The following ZSWIM3 variants were observed in gnomAD, a reference collection of about 807,000 sequenced individuals.
The protein encoded by ZSWIM3 is zinc finger SWIM-type containing 3.
ZSWIM3 carries 27 observed loss-of-function variants against 47.5 expected under a neutral mutation model. The ratio of observed to expected loss-of-function variants is 0.57; its 90% CI spans 0.42 to 0.78. The LOEUF is 0.78. Among genes scored for constraint, ZSWIM3 ranks in the 30% least tolerant of loss-of-function variants. The pLI, the probability that ZSWIM3 is intolerant of heterozygous loss-of-function variation, is 0.00. For missense variants in ZSWIM3, 689 were observed against 861.3 expected (o/e 0.80, Z 2.50); for synonymous variants, 333 against 333.9 (o/e 1.00, Z 0.03).
intron 1 of ZSWIM3, among the ~76,000 whole-genome samples, chr20:45,868,702 A>T (rs1240740097): frequency 6.6e-6 from 1 of 151,950 alleles, no homozygotes; most frequent in Non-Finnish European, 1.5e-5. Context: ...GGAAAACTAT[A>T]CTAGGAAAAG....
intron 1 of ZSWIM3, 59 bp downstream of exon 1, chr20:45,858,039 G>GGA: frequency 6.4e-7 from 1 of 1,559,780 alleles, no homozygotes; most frequent in Non-Finnish European, 8.7e-7. Flanking sequence ...GACCTCCGGA[G>GGA]GGCTGCCTGG....
intron 1 of ZSWIM3, among the ~76,000 whole-genome samples, chr20:45,873,095 G>A (rs1436931466): frequency 1.3e-5 from 2 of 152,120 alleles, no homozygotes; most frequent in African/African-American, 4.8e-5. Flanking sequence ...CATTCATCCA[G>A]TACATCATCC....
Position 45,878,553 on chromosome 20 carries a change from A to G in ZSWIM3, c.1995A>G (p.Pro665=). ...PSQPSELFQQ[P]GDFKDVGRLP... ...AGCCATCTGAGCTCTTTCAGCAGCC[A>G]GGAGACTTTAAGGACGTGGGCCGCC... is the stretch of plus-strand genomic sequence containing the variant. Residue 665 remains proline, a synonymous_variant, in exon 2 of 2, where the codon CCA becomes CCG. Transcript: ENST00000255152. The G allele has an allele frequency of 1.2e-6, 2 of 1,614,210 alleles. No homozygotes were observed. Among genetic ancestry groups the G allele is most frequent in the East Asian group, 2.2e-5 (1 of 44,886 alleles).
intron 1 of ZSWIM3, among the ~76,000 whole-genome samples, chr20:45,858,718 GT>G (rs1303899119): frequency 6.6e-6 from 1 of 152,060 alleles, no homozygotes; most frequent in Non-Finnish European, 1.5e-5. Context: ...TATATTAACC[GT>G]TTTCAAACAC....
chr20:45,864,188 G>A (rs73291302), intron 1 of ZSWIM3, among the ~76,000 whole-genome samples: 2,515 of 152,276 alleles, frequency 0.017, 72 homozygotes, highest in African/African-American at 0.058. Flanking sequence ...GGAGTACAAA[G>A]ATGAGGAAAT....
chr20:45,857,982 TA>T lies in ZSWIM3; in HGVS notation c.155+4del. 2.7e-6 allele frequency: 1 copy of T among 368,626 alleles called. No individual in the cohort carries two copies. Among genetic ancestry groups the T allele is most frequent in the Non-Finnish European group, 5.1e-6 (1 of 197,692 alleles). 22.8% of individuals were successfully genotyped at this position (368,626 alleles called of 1,614,324 possible). On this transcript the variant is annotated splice_donor_region_variant and intron_variant, in intron 1 of 1. Transcript: ENST00000255152. ...CACCTCCATCCGCGAAGACATCCTG[TA>T]AGGGCGGGCGGGGCGGGGCGGGCCA...
At chr20:45,868,899 G>A (rs1293528134) in intron 1 of ZSWIM3, among the ~76,000 whole-genome samples, 1 of 151,862 alleles carries the variant, frequency 6.6e-6, no homozygotes, top group Non-Finnish European at 1.5e-5. Context: ...ACCTCCGGGT[G>A]CAAGCAATTC....
chr20:45,877,112 A>T lies in ZSWIM3; in HGVS notation c.554A>T (p.Asp185Val). ...GTGATGAAGAACTTTCTTAAGGTAG[A>T]TGAGGGTTCCATGGCTTCCTTCAGT... is the stretch of plus-strand genomic sequence containing the variant. ...AKVMKNFLKV[D>V]EGSMASFSVG... Residue 185 changes from aspartate (D) to valine (V), a missense_variant, in exon 2 of 2, where the codon GAT (aspartate) becomes GTT (valine). Coordinates refer to ENST00000255152, the MANE Select transcript of ZSWIM3 (RefSeq NM_080752.4). The T allele has an allele frequency of 6.2e-7, 1 of 1,614,232 alleles. No homozygotes were observed. The highest frequency in any genetic ancestry group is 8.5e-7 in the Non-Finnish European group (1 of 1,180,038).
intron 1 of ZSWIM3, among the ~76,000 whole-genome samples, chr20:45,865,319 CAA>C (rs201175786): frequency 5.0e-4 from 50 of 100,768 alleles, no homozygotes; most frequent in South Asian, 9.5e-4. Flanking sequence ...AACTCTGTCT[CAA>C]AAAAAAAAAA....
intron 1 of ZSWIM3, among the ~76,000 whole-genome samples, chr20:45,859,813 A>AC (rs1453669873): frequency 1.3e-5 from 2 of 149,948 alleles, no homozygotes; most frequent in Non-Finnish European, 3.0e-5. Flanking sequence ...AAAAAAAAAA[A>AC]AAACCACAGT....
In ZSWIM3 at chr20:45,876,718, G is replaced by A. The variant is rs1416322162; in HGVS notation, c.160G>A (p.Val54Met). 4 of 1,610,994 alleles carry A rather than the reference G, an allele frequency of 2.5e-6. No homozygotes were observed. The highest frequency in any genetic ancestry group is 3.4e-6 in the Non-Finnish European group (4 of 1,178,198). Residue 54 changes from valine (V) to methionine (M), a missense_variant, in exon 2 of 2, where the codon GTG becomes ATG. Transcript: ENST00000255152. The part of the protein sequence containing the change: ...GTSIREDILY[V>M]QVKFVCIRTQ... ...TGTTACCTCTACCTTCCCTAGGTAT[G>A]TGCAGGTGAAATTTGTCTGCATTCG...
At chr20:45,872,154 C>T (rs1430939351) in intron 1 of ZSWIM3, among the ~76,000 whole-genome samples, 1 of 152,164 alleles carries the variant, frequency 6.6e-6, no homozygotes, top group South Asian at 2.1e-4. Context: ...TAATAGAATC[C>T]TTTTCCTACT....
chr20:45,878,533 T>C lies in ZSWIM3; in HGVS notation c.1975T>C (p.Ser659Pro). 6.2e-7 allele frequency: 1 copy of C among 1,614,176 alleles called. No homozygotes were observed. The highest frequency in any genetic ancestry group is 8.5e-7 in the Non-Finnish European group (1 of 1,180,030). ...VDIWAGPSQPSELFQQPGDFK... is the reference protein window; with the variant it reads ...VDIWAGPSQPPELFQQPGDFK... ...TATCTGGGCTGGCCCCTCCCAGCCA[T>C]CTGAGCTCTTTCAGCAGCCAGGAGA... is the stretch of plus-strand genomic sequence containing the variant. Residue 659 changes from serine to proline, a missense_variant, in exon 2 of 2, where the codon TCT becomes CCT. Physicochemically the swap from Ser to Pro is moderately conservative, Grantham distance 74 (BLOSUM62 -1). Coordinates refer to ENST00000255152, the MANE Select transcript of ZSWIM3 (RefSeq NM_080752.4).
intron 1 of ZSWIM3, among the ~76,000 whole-genome samples, chr20:45,865,405 G>A (rs959492300): frequency 4.0e-5 from 6 of 151,446 alleles, no homozygotes; most frequent in Non-Finnish European, 8.8e-5. Context: ...GGAGAATGGC[G>A]TGAACCCGGG....
rs887612483 is a variant in ZSWIM3 at position 45,857,621 on chromosome 20, A to G, written c.-205A>G. The G allele has an allele frequency of 2.9e-6, 2 of 684,012 alleles. No individual in the cohort carries two copies. The highest frequency in any genetic ancestry group is 1.8e-5 in the African/African-American group (1 of 56,094). 42.4% of individuals were successfully genotyped at this position (684,012 alleles called of 1,614,324 possible). ...CTGAGTGTCATTTCCCCTGTCAGATAGCAAATACACCCCCTTCCTCTTGTA... is the reference window on the plus strand; with the variant it reads ...CTGAGTGTCATTTCCCCTGTCAGATGGCAAATACACCCCCTTCCTCTTGTA... On this transcript the variant is annotated 5_prime_UTR_variant, in exon 1 of 2. The change creates a new upstream start codon in the 5' untranslated region. Coordinates refer to ENST00000255152, the MANE Select transcript of ZSWIM3 (RefSeq NM_080752.4).
rs753562832 is a variant in ZSWIM3, at chr20:45,872,996, A to AT, written c.156-3711dup. 1.7e-3 allele frequency among the ~76,000 whole-genome samples: 257 copies of AT among 151,998 alleles called. 1 individual carries two copies. Among genetic ancestry groups the AT allele is most frequent in the Non-Finnish European group, 7.2e-4 (49 of 67,956 alleles). ...ATGCCACGTCAGGCCAGGGGGTGAG[A>AT]TTTTTTTCCCTTCCCCTGGTCTTTG... On this transcript the variant is annotated intron_variant, in intron 1 of 1. Coordinates refer to ENST00000255152, the MANE Select transcript of ZSWIM3 (RefSeq NM_080752.4).
In ZSWIM3 at chr20:45,876,972, T is replaced by C. The variant is rs901147175; in HGVS notation, c.414T>C (p.Leu138=). The C allele has an allele frequency of 1.2e-6, 2 of 1,613,964 alleles. No individual in the cohort carries two copies. The highest frequency in any genetic ancestry group is 3.3e-5 in the Admixed American group (2 of 59,978). Residue 138 remains leucine (L), a synonymous_variant, in exon 2 of 2, where the codon CTT becomes CTC. Coordinates refer to ENST00000255152, the MANE Select transcript of ZSWIM3 (RefSeq NM_080752.4). ...QPVQPTTKKD[L]DTAEKSLVEP... is the part of the protein sequence containing the mutation. Reference sequence around the variant, plus strand: ...TGCAGCCCACAACCAAAAAAGACCTTGACACTGCCGAGAAGTCCCTGGTTG... The same window carrying C: ...TGCAGCCCACAACCAAAAAAGACCTCGACACTGCCGAGAAGTCCCTGGTTG...
In ZSWIM3 at chr20:45,878,589, C is replaced by A; in HGVS notation, c.2031C>A (p.Leu677=). 6.2e-7 allele frequency: 1 copy of A among 1,613,704 alleles called. No homozygotes were observed. The highest frequency in any genetic ancestry group is 8.5e-7 in the Non-Finnish European group (1 of 1,179,692). ...DFKDVGRLPF[L]WGKQEEGEGF... is the part of the protein sequence containing the mutation. ...AGGACGTGGGCCGCCTCCCTTTCCT[C>A]TGGGGAAAGCAAGAAGAAGGGGAGG... is the stretch of plus-strand genomic sequence containing the variant. The change falls in exon 2 of 2, where the codon CTC becomes CTA. Residue 677 remains leucine, a synonymous_variant. Transcript: ENST00000255152.
intron 1 of ZSWIM3, among the ~76,000 whole-genome samples, chr20:45,865,305 G>A (rs546006480): frequency 1.2e-4 from 18 of 146,096 alleles, no homozygotes; most frequent in South Asian, 8.7e-4. Context: ...GGCAACAAGA[G>A]CAAAACTCTG....
Sources: allele counts gnomAD v4.1 joint callset (sites outside exome capture counted in the v4.1 genomes callset), GRCh38; gene constraint gnomAD v4.1.1; transcripts MANE v1.5; gene names NCBI Gene and HGNC (gene_info 2026-07-23, HGNC 2026-07-21).